FGGY: variants seen among roughly 807,000 people sequenced by gnomAD.
FGGY encodes the protein FGGY carbohydrate kinase domain-containing protein.
A neutral mutation model predicts 71.3 loss-of-function variants in FGGY; 72 were observed. That is an observed-to-expected ratio of 1.01 (90% confidence interval 0.84 to 1.23). FGGY has a LOEUF of 1.23. Ranked by LOEUF, FGGY falls within the 50% of genes most tolerant of loss-of-function variation. The pLI is 0.00. For missense variants in FGGY, 668 were observed against 682.3 expected (o/e 0.98, Z 0.23); for synonymous variants, 251 against 250.3 (o/e 1.00, Z -0.02).
chr1:59,449,346 C>T (rs1050436252), intron 5 of FGGY, among the ~76,000 whole-genome samples: 5 of 152,190 alleles, frequency 3.3e-5, no homozygotes, highest in African/African-American at 9.7e-5. Context: ...TGCAATGGCA[C>T]AATCTCGGCT....
chr1:59,636,736 A>G (rs1411355482), intron 10 of FGGY, among the ~76,000 whole-genome samples: 1 of 152,254 alleles, frequency 6.6e-6, no homozygotes, highest in Non-Finnish European at 1.5e-5. Flanking sequence ...CCCTACACCA[A>G]GTACAGGAAA....
intron 6 of FGGY, among the ~76,000 whole-genome samples, chr1:59,475,575 A>C (rs1009270927): frequency 2.0e-5 from 3 of 152,206 alleles, no homozygotes; most frequent in African/African-American, 7.2e-5. Flanking sequence ...TTTCCATCTC[A>C]GTAGAAGGTG....
chr1:59,348,631 T>G (rs921293875), intron 4 of FGGY, among the ~76,000 whole-genome samples: 1 of 152,170 alleles, frequency 6.6e-6, no homozygotes, highest in Non-Finnish European at 1.5e-5. Flanking sequence ...GGCTGAGTCT[T>G]CTATTACTCA....
At chr1:59,485,586 G>C (rs1208214449) in intron 6 of FGGY, among the ~76,000 whole-genome samples, 2 of 148,188 alleles carry the variant, frequency 1.3e-5, no homozygotes, top group Non-Finnish European at 2.9e-5. Context: ...ATTTGTTTTT[G>C]CTGTTGTTTT....
chr1:59,626,014 T>A lies in FGGY; in HGVS notation c.1038T>A (p.Ala346=), dbSNP rs774561286. ...TAGACCACATGGTACAAGGCCATGC[T>A]GCTTTTCCAGAACTACAAGTAAAGG... ...KLIDHMVQGH[A]AFPELQVKAT... Residue 346 remains alanine, a synonymous_variant, in exon 10 of 16, where the codon GCT becomes GCA. Coordinates refer to ENST00000303721, the MANE Select transcript of FGGY (RefSeq NM_018291.5). 1 of 1,613,668 alleles carries A rather than the reference T, an allele frequency of 6.2e-7. No homozygotes were observed. Among genetic ancestry groups the A allele is most frequent in the East Asian group, 2.2e-5 (1 of 44,862 alleles).
intron 4 of FGGY, among the ~76,000 whole-genome samples, chr1:59,365,301 G>C (rs116968581): frequency 6.6e-6 from 1 of 152,296 alleles, no homozygotes; most frequent in East Asian, 1.9e-4. Context: ...GAAAAGCACT[G>C]ATGAGAAGGG....
chr1:59,555,519 C>G (rs1394914041), intron 8 of FGGY, among the ~76,000 whole-genome samples: 1 of 152,180 alleles, frequency 6.6e-6, no homozygotes, highest in Non-Finnish European at 1.5e-5. Flanking sequence ...ATCACAAGGG[C>G]TCACTCTTAA....
intron 10 of FGGY, among the ~76,000 whole-genome samples, chr1:59,634,986 A>G (rs539828041): frequency 1.3e-5 from 2 of 152,346 alleles, no homozygotes; most frequent in South Asian, 4.1e-4. Context: ...GACAGGATAT[A>G]TCAACCTGGG....
intron 10 of FGGY, among the ~76,000 whole-genome samples, chr1:59,635,704 G>A (rs1020424289): frequency 3.3e-5 from 5 of 152,222 alleles, no homozygotes. Flanking sequence ...GGAGCAGAGA[G>A]AGCAAAGAGA....
chr1:59,637,044 A>G (rs966464892), intron 10 of FGGY, among the ~76,000 whole-genome samples: 1 of 152,230 alleles, frequency 6.6e-6, no homozygotes, highest in African/African-American at 2.4e-5. Context: ...ACTTTTAGAA[A>G]GCAGCATCTT....
At chr1:59,372,939 C>T (rs1416162405) in intron 4 of FGGY, among the ~76,000 whole-genome samples, 12 of 152,012 alleles carry the variant, frequency 7.9e-5, no homozygotes, top group Non-Finnish European at 1.8e-4. Flanking sequence ...TATGACAAAC[C>T]CACAGCTAAT....
At chr1:59,658,632 G>A (rs578042053) in intron 11 of FGGY, among the ~76,000 whole-genome samples, 32 of 152,198 alleles carry the variant, frequency 2.1e-4, no homozygotes, top group Non-Finnish European at 3.7e-4. Flanking sequence ...GACAGTGAAC[G>A]CATTTCTACT....
At chr1:59,384,066 G>A (rs181078574) in intron 5 of FGGY, among the ~76,000 whole-genome samples, 1 of 152,272 alleles carries the variant, frequency 6.6e-6, no homozygotes, top group Non-Finnish European at 1.5e-5. Context: ...ATGCTTGGGG[G>A]CTTCTAGCCT....
At chr1:59,355,267 C>T (rs113740344) in intron 4 of FGGY, among the ~76,000 whole-genome samples, 258 of 151,808 alleles carry the variant, frequency 1.7e-3, no homozygotes, top group Middle Eastern at 6.8e-3. Context: ...ATGTGCACAA[C>T]GTGCAGGTTT....
chr1:59,398,370 C>G (rs1159704807), intron 5 of FGGY, among the ~76,000 whole-genome samples: 1 of 152,092 alleles, frequency 6.6e-6, no homozygotes, highest in Non-Finnish European at 1.5e-5. Flanking sequence ...TCCTGAGTAG[C>G]TGGGACTACA....
At chr1:59,464,286 A>T (rs949672250) in intron 6 of FGGY, among the ~76,000 whole-genome samples, 3 of 152,254 alleles carry the variant, frequency 2.0e-5, no homozygotes, top group African/African-American at 4.8e-5. Flanking sequence ...AATGAAATGA[A>T]TGTGGAAATA....
intron 11 of FGGY, among the ~76,000 whole-genome samples, chr1:59,658,936 T>C (rs576375662): frequency 6.6e-6 from 1 of 152,194 alleles, no homozygotes; most frequent in Non-Finnish European, 1.5e-5. Context: ...GAAAGATGGC[T>C]TCTGGCCAGG....
At position 59,674,021 on chromosome 1, in the gene FGGY, T is replaced by A. The variant is rs374006665; in HGVS notation, c.1418-18T>A. 8 of 1,610,394 alleles carry A rather than the reference T, an allele frequency of 5.0e-6. No homozygotes were observed. The African/African-American group carries it at 6.7e-5, about 13-fold the overall frequency. ...CTGGCTCTGCTCCCTAACCAAGGTG[T>A]GGCCTTGTCCTGCGCAGGCATGCCT... On this transcript the variant is annotated intron_variant, in intron 13 of 15. Transcript: ENST00000303721.
chr1:59,380,158 G>C (rs1557737270), intron 5 of FGGY, among the ~76,000 whole-genome samples: 1 of 150,960 alleles, frequency 6.6e-6, no homozygotes, highest in Non-Finnish European at 1.5e-5. Context: ...GTATTCCATG[G>C]TGTATATGTG....
Sources: gnomAD v4.1 joint callset for allele counts (sites outside exome capture counted in the v4.1 genomes callset) on GRCh38, gnomAD v4.1.1 for gene constraint, MANE v1.5 for transcripts, NCBI Gene and HGNC (gene_info 2026-07-23, HGNC 2026-07-21) for gene names.